Variants in GDF11 observed in about 807,000 individuals in gnomAD.
GDF11 encodes the protein growth/differentiation factor 11.
In GDF11, 12 loss-of-function variants were observed where a neutral mutation model predicts 34.4. The observed-to-expected ratio is 0.35, with a 90% CI of 0.22 to 0.57. GDF11 has a LOEUF of 0.57. Ranked by LOEUF, GDF11 falls within the 20% of genes least tolerant of loss-of-function variation. The probability of loss-of-function intolerance (pLI) is 0.86; values close to 1 mark genes in which losing one functional copy is unlikely to be tolerated. For missense variants in GDF11, 346 were observed against 548.2 expected, an observed-to-expected ratio of 0.63 and a Z score of 3.68; for synonymous variants, 212 against 231.1, an observed-to-expected ratio of 0.92 and a Z score of 0.75.
chr12:55,745,152 GT>G (rs954482813), intron 1 of GDF11, among the ~76,000 whole-genome samples: 14 of 152,056 alleles, frequency 9.2e-5, no homozygotes, highest in Non-Finnish European at 1.9e-4. Flanking sequence ...GGGGTAGGGG[GT>G]GGGGTTTCTA....
Position 55,743,449 on chromosome 12 carries a change from G to A in GDF11, c.133G>A (p.Gly45Arg), listed in dbSNP as rs1386162725. Residue 45 changes from glycine (G) to arginine (R), a missense_variant, in exon 1 of 3, where the codon GGG (glycine) becomes AGG (arginine). By Grantham distance (125) the Gly-to-Arg change is moderately radical. Coordinates refer to ENST00000257868, the MANE Select transcript of GDF11 (RefSeq NM_005811.5). ...GGCGGCGGCAGCGGCGGGGGTCGGG[G>A]GGGAGCGCTCCAGCCGGCCAGCCCC... is the stretch of plus-strand genomic sequence containing the variant. ...AAAAAAAGVG[G>R]ERSSRPAPSV... The A allele has an allele frequency of 5.6e-6, 7 of 1,258,866 alleles. No homozygotes were observed. The South Asian group carries it at 1.5e-4, about 27-fold the overall frequency. 78.0% of individuals were successfully genotyped at this position (1,258,866 alleles called of 1,614,324 possible).
chr12:55,745,357 A>G (rs931004441), intron 1 of GDF11, among the ~76,000 whole-genome samples: 12 of 152,016 alleles, frequency 7.9e-5, no homozygotes, highest in African/African-American at 2.9e-4. Flanking sequence ...CACCAGAGTT[A>G]GCTCTGGTAA....
Position 55,743,625 on chromosome 12 carries a change from G to T in GDF11, c.309G>T (p.Leu103=). 6.2e-7 allele frequency: 1 copy of T among 1,605,074 alleles called. No individual in the cohort carries two copies. ...PNISREVVKQ[L]LPKAPPLQQI... is the part of the protein sequence containing the mutation. ...TCAGCCGCGAGGTGGTGAAGCAGCT[G>T]CTGCCCAAGGCGCCGCCGCTGCAGC... Residue 103 remains leucine, a synonymous_variant, in exon 1 of 3, where the codon CTG becomes CTT. Transcript: ENST00000257868.
Position 55,743,897 on chromosome 12 carries a change from G to A in GDF11, c.445+136G>A, listed in dbSNP as rs78678275. The A allele has an allele frequency of 1.1e-3, 711 of 674,670 alleles. 6 individuals are homozygous for A. In the African/African-American group the frequency reaches 0.012, roughly 11 times the overall value. The allele number at this position is 674,670 out of a possible 1,614,324, so 41.8% of individuals were successfully genotyped here. A position where few individuals can be genotyped will look rare whatever the true frequency, so the allele number is the denominator to read the frequency against. ...GCGAAAACTTGACGAATTAGGGAGC[G>A]GGGGCTACTTCATAGAAGTTTTCCG... On this transcript the variant is annotated intron_variant, in intron 1 of 2. Transcript: ENST00000257868.
At position 55,748,968 on chromosome 12, in the gene GDF11, G is replaced by A. The variant is rs201622875; in HGVS notation, c.828G>A (p.Pro276=). ...GTDLAVTSLG[P]GAEGLHPFME... is the part of the protein sequence containing the mutation. Reference sequence around the variant, plus strand: ...ACCTGGCTGTCACCTCCCTGGGGCCGGGAGCCGAGGGGCTGGTGAGCAGGG... The same window carrying A: ...ACCTGGCTGTCACCTCCCTGGGGCCAGGAGCCGAGGGGCTGGTGAGCAGGG... Residue 276 remains proline (P), a synonymous_variant, in exon 2 of 3, where the codon CCG becomes CCA. Transcript: ENST00000257868. This position sits in a 1 kb window ranked among gnomAD's most constrained non-coding sequence, Gnocchi z 5.6. 17 of 1,597,750 alleles carry A rather than the reference G, an allele frequency of 1.1e-5. No homozygotes were observed. The Admixed American group carries it at 1.5e-4, about 14-fold the overall frequency.
chr12:55,749,601 C>A lies in GDF11; in HGVS notation c.943C>A (p.Arg315=), dbSNP rs773931565. The A allele has an allele frequency of 1.9e-6, 3 of 1,614,006 alleles. No homozygotes were observed. The part of the protein sequence containing the change: ...DEHSSESRCC[R]YPLTVDFEAF... The stretch of plus-strand genomic sequence containing the variant: ...GCACTCAAGCGAGTCCCGCTGCTGC[C>A]GATATCCCCTCACAGTGGACTTTGA... The change falls in exon 3 of 3, where the codon CGA becomes AGA. Residue 315 remains arginine, a synonymous_variant. Transcript: ENST00000257868. This position sits in a 1 kb window ranked among gnomAD's most constrained non-coding sequence, Gnocchi z 5.6.
At position 55,749,748 on chromosome 12, in the gene GDF11, C is replaced by A; in HGVS notation, c.1090C>A (p.Pro364Thr). 1 of 1,614,146 alleles carries A rather than the reference C, an allele frequency of 6.2e-7. No homozygotes were observed. Among genetic ancestry groups the A allele is most frequent in the Non-Finnish European group, 8.5e-7 (1 of 1,180,024 alleles). ...PHTHLVQQAN[P>T]RGSAGPCCTP... The stretch of plus-strand genomic sequence containing the variant: ...TACCCATTTGGTGCAGCAGGCCAAT[C>A]CAAGAGGCTCTGCTGGGCCCTGTTG... Residue 364 changes from proline (P) to threonine (T), a missense_variant, in exon 3 of 3, where the codon CCA (proline) becomes ACA (threonine). Pro to Thr is a conservative substitution (Grantham distance 38, BLOSUM62 -1). Around this residue, in one of 3 missense-constraint regions of GDF11, gnomAD observed 205 missense variants for 311.3 expected, o/e 0.66. Transcript: ENST00000257868. The surrounding 1 kb of genome is among the most constrained non-coding windows in gnomAD (Gnocchi z 5.6).
intron 1 of GDF11, among the ~76,000 whole-genome samples, chr12:55,744,477 G>A (rs990030464): frequency 6.6e-6 from 1 of 152,056 alleles, no homozygotes; most frequent in Non-Finnish European, 1.5e-5. Flanking sequence ...CACCCCTACC[G>A]CAGGTGGACT....
rs527938716 is a variant in GDF11 at position 55,749,114 on chromosome 12, A to G, written c.843+131A>G. 4.6e-5 allele frequency: 43 copies of G among 930,618 alleles called. No individual in the cohort carries two copies. The South Asian group carries it at 6.5e-4, about 14-fold the overall frequency. The allele number at this position is 930,618 out of a possible 1,614,324, so 57.6% of individuals were successfully genotyped here. On this transcript the variant is annotated intron_variant, in intron 2 of 2. Coordinates refer to ENST00000257868, the MANE Select transcript of GDF11 (RefSeq NM_005811.5). The surrounding 1 kb of genome is among the most constrained non-coding windows in gnomAD (Gnocchi z 5.6). ...ATTACTTCTCTGGGGTCAGCAGCTG[A>G]TTCTAGAGGAGGAGGTGAGGAGTGG...
At position 55,749,116 on chromosome 12, in the gene GDF11, T is replaced by C; in HGVS notation, c.843+133T>C. The C allele has an allele frequency of 1.1e-6, 1 of 919,682 alleles. No homozygotes were observed. The highest frequency in any genetic ancestry group is 1.6e-6 in the Non-Finnish European group (1 of 627,952). The allele number at this position is 919,682 out of a possible 1,614,324, so 57.0% of individuals were successfully genotyped here. A position where few individuals can be genotyped will look rare whatever the true frequency, so the allele number is the denominator to read the frequency against. On this transcript the variant is annotated intron_variant, in intron 2 of 2. Transcript: ENST00000257868. The surrounding 1 kb of genome is among the most constrained non-coding windows in gnomAD (Gnocchi z 5.6). ...TACTTCTCTGGGGTCAGCAGCTGAT[T>C]CTAGAGGAGGAGGTGAGGAGTGGGG...
In GDF11 at chr12:55,748,049, A is replaced by C. The variant is rs1272593864; in HGVS notation, c.446-537A>C. Among the ~76,000 whole-genome samples, 2 of 152,228 alleles carry C rather than the reference A, an allele frequency of 1.3e-5. No individual in the cohort carries two copies. Among genetic ancestry groups the C allele is most frequent in the African/African-American group, 4.8e-5 (2 of 41,454 alleles). Reference sequence around the variant, plus strand: ...GAAGCCTAGATCTGAATTCTGGTTTACATAATGGGATAAATTTAGCTCATG... The same window carrying C: ...GAAGCCTAGATCTGAATTCTGGTTTCCATAATGGGATAAATTTAGCTCATG... On this transcript the variant is annotated intron_variant, in intron 1 of 2. Coordinates refer to ENST00000257868, the MANE Select transcript of GDF11 (RefSeq NM_005811.5). This position sits in a 1 kb window ranked among gnomAD's most constrained non-coding sequence, Gnocchi z 5.6.
rs1481345102 is a variant in GDF11, at chr12:55,749,004, G to A, written c.843+21G>A. On this transcript the variant is annotated intron_variant, in intron 2 of 2. Transcript: ENST00000257868. The surrounding 1 kb of genome is among the most constrained non-coding windows in gnomAD (Gnocchi z 5.6). Reference sequence around the variant, plus strand: ...GGCTGGTGAGCAGGGGGCCTGAGGTGGTGGATATGTGTAACCTGGCCCTGA... The same window carrying A: ...GGCTGGTGAGCAGGGGGCCTGAGGTAGTGGATATGTGTAACCTGGCCCTGA... 1 of 1,581,344 alleles carries A rather than the reference G, an allele frequency of 6.3e-7. No homozygotes were observed. The highest frequency in any genetic ancestry group is 2.2e-5 in the East Asian group (1 of 44,528).
rs773559141 is a variant in GDF11, at chr12:55,743,556, G to A, written c.240G>A (p.Lys80=). Residue 80 remains lysine (K), a synonymous_variant, in exon 1 of 3, where the codon AAG becomes AAA. Coordinates refer to ENST00000257868, the MANE Select transcript of GDF11 (RefSeq NM_005811.5). ...HSRELRLESI[K]SQILSKLRLK... ...GCGAGCTGCGCCTAGAGAGCATCAA[G>A]TCGCAGATCTTGAGCAAACTGCGGC... The A allele has an allele frequency of 6.2e-7, 1 of 1,604,144 alleles. No individual in the cohort carries two copies. Among genetic ancestry groups the A allele is most frequent in the Non-Finnish European group, 8.5e-7 (1 of 1,179,742 alleles).
intron 1 of GDF11, among the ~76,000 whole-genome samples, chr12:55,747,624 G>A (rs1165724797): frequency 6.6e-6 from 1 of 152,196 alleles, no homozygotes; most frequent in Non-Finnish European, 1.5e-5. Context: ...AGCTGGAATG[G>A]AGGCAGAGGC....
chr12:55,749,709 C>T lies in GDF11; in HGVS notation c.1051C>T (p.Gln351Ter), dbSNP rs1436990423. 6.2e-7 allele frequency: 1 copy of T among 1,614,124 alleles called. No individual in the cohort carries two copies. Among genetic ancestry groups the T allele is most frequent in the Non-Finnish European group, 8.5e-7 (1 of 1,180,018 alleles). The change falls in exon 3 of 3, where the codon CAA becomes TAA. Residue 351 changes from glutamine (Q) to a stop codon, truncating the protein, a stop_gained. Coordinates refer to ENST00000257868, the MANE Select transcript of GDF11 (RefSeq NM_005811.5). LOFTEE classifies it high-confidence loss of function. This position sits in a 1 kb window ranked among gnomAD's most constrained non-coding sequence, Gnocchi z 5.6. ...CGGCCAGTGCGAGTACATGTTCATG[C>T]AAAAATATCCGCATACCCATTTGGT... is the stretch of plus-strand genomic sequence containing the variant. ...CSGQCEYMFMQKYPHTHLVQQ... is the reference protein window; with the variant it reads ...CSGQCEYMFM
intron 1 of GDF11, among the ~76,000 whole-genome samples, chr12:55,747,463 T>C (rs1419745438): frequency 6.6e-6 from 1 of 152,142 alleles, no homozygotes. Context: ...ATGGGGAGGA[T>C]ACTTAAAGGC....
intron 1 of GDF11, among the ~76,000 whole-genome samples, chr12:55,747,853 C>T (rs1414470148): frequency 6.6e-6 from 1 of 152,188 alleles, no homozygotes; most frequent in Admixed American, 6.5e-5. Flanking sequence ...AAATAGGAGG[C>T]AACACCATGG....
intron 1 of GDF11, among the ~76,000 whole-genome samples, chr12:55,747,256 C>T (rs1021575527): frequency 5.9e-5 from 9 of 151,972 alleles, no homozygotes; most frequent in African/African-American, 2.2e-4. Flanking sequence ...AACTGGACTA[C>T]CAGGGCCCTG....
intron 1 of GDF11, among the ~76,000 whole-genome samples, chr12:55,743,998 T>A (rs1050330239): frequency 6.6e-6 from 1 of 152,176 alleles, no homozygotes; most frequent in African/African-American, 2.4e-5. Context: ...GGGGCGGGTT[T>A]CGAGATAGTG....
Sources: gnomAD v4.1 joint callset for allele counts (sites outside exome capture counted in the v4.1 genomes callset) on GRCh38, gnomAD v4.1.1 for gene constraint, gnomAD v4.1.1 regional missense constraint, Gnocchi (gnomAD v3.1) non-coding constraint, MANE v1.5 for transcripts, NCBI Gene and HGNC (gene_info 2026-07-23, HGNC 2026-07-21) for gene names.